Variants in PLCG2 observed in about 807,000 individuals in gnomAD.
The protein encoded by PLCG2 is 1-phosphatidylinositol 4,5-bisphosphate phosphodiesterase gamma-2.
Under a neutral mutation model 175.6 loss-of-function variants are expected in PLCG2, and 69 were observed. The ratio of observed to expected loss-of-function variants is 0.39; its 90% CI spans 0.32 to 0.48. PLCG2 has a LOEUF of 0.48. Ranked by LOEUF, PLCG2 falls within the 20% of genes least tolerant of loss-of-function variation. The pLI, the probability that PLCG2 is intolerant of heterozygous loss-of-function variation, is 0.91. For missense variants in PLCG2, 1,798 were observed against 1,650.9 expected (o/e 1.09, Z -1.54); for synonymous variants, 827 against 624.0 (o/e 1.33, Z -4.85).
At chr16:81,763,726 G>A (rs987514780) in intron 2 of PLCG2, among the ~76,000 whole-genome samples, 2 of 152,188 alleles carry the variant, frequency 1.3e-5, no homozygotes, top group Non-Finnish European at 2.9e-5. Context: ...CAGCACTTTG[G>A]GAGGCTGAGG....
chr16:81,934,969 A>G (rs1259660160), intron 26 of PLCG2, among the ~76,000 whole-genome samples: 2 of 152,118 alleles, frequency 1.3e-5, no homozygotes, highest in South Asian at 2.1e-4. Flanking sequence ...GGTCCCTCCC[A>G]TAACACGTGG....
rs8056821 is a variant in PLCG2 at position 81,902,594 on chromosome 16, C to T, written c.1362+1814C>T. Among the ~76,000 whole-genome samples the T allele has an allele frequency of 8.7e-3, 1,320 of 152,006 alleles. 12 individuals carry two copies. The highest frequency in any genetic ancestry group is 0.025 in the African/African-American group (1,020 of 41,432). ...AGAGCTCTACCCTCATTCCCATTCA[C>T]TGGAGCTCTACTCTCATTCCCACTT... On this transcript the variant is annotated intron_variant, in intron 14 of 32. Coordinates refer to ENST00000564138, the MANE Select transcript of PLCG2 (RefSeq NM_002661.5).
At chr16:81,834,308 C>T (rs1164769818) in intron 2 of PLCG2, among the ~76,000 whole-genome samples, 1 of 152,082 alleles carries the variant, frequency 6.6e-6, no homozygotes, top group Non-Finnish European at 1.5e-5. Context: ...CTGAACTTGA[C>T]CTCGGAGGGC....
intron 14 of PLCG2, among the ~76,000 whole-genome samples, chr16:81,903,311 G>A (rs775955990): frequency 6.6e-6 from 1 of 152,130 alleles, no homozygotes; most frequent in African/African-American, 2.4e-5. Flanking sequence ...TCGTGGTTTG[G>A]TAGGGAGACA....
intron 2 of PLCG2, among the ~76,000 whole-genome samples, chr16:81,787,917 G>T (rs1028597387): frequency 6.6e-6 from 1 of 152,068 alleles, no homozygotes; most frequent in African/African-American, 2.4e-5. Context: ...CCTTTTTGTG[G>T]CAGAATCACG....
intron 24 of PLCG2, among the ~76,000 whole-genome samples, chr16:81,930,747 CA>C (rs34004978): frequency 0.2 from 25,345 of 125,578 alleles, 2,082 homozygotes; most frequent in African/African-American, 0.26. Context: ...CACCCTGTCT[CA>C]AAAAAAAAAA....
intron 2 of PLCG2, among the ~76,000 whole-genome samples, chr16:81,841,567 T>G (rs1905833580): frequency 6.6e-6 from 1 of 152,152 alleles, no homozygotes; most frequent in South Asian, 2.1e-4. Context: ...GCAAAGTTTT[T>G]TTTCAGATAT....
chr16:81,919,395 C>A, intron 19 of PLCG2, 89 bp from the exon 20 acceptor site: 1 of 965,416 alleles, frequency 1.0e-6, no homozygotes, highest in Non-Finnish European at 1.6e-6. Context: ...GGCTGGATAA[C>A]TAGGTTGTAT....
chr16:81,928,379 T>C (rs1458674269), intron 23 of PLCG2, among the ~76,000 whole-genome samples, 179 bp from the exon 24 acceptor site: 1 of 152,096 alleles, frequency 6.6e-6, no homozygotes, highest in Non-Finnish European at 1.5e-5. Flanking sequence ...CCCCGCCAGG[T>C]CCCTATCAGC....
chr16:81,892,847 CTTT>C (rs58257849), intron 11 of PLCG2, among the ~76,000 whole-genome samples: 141 of 133,684 alleles, frequency 1.1e-3, no homozygotes, highest in Admixed American at 1.3e-3. Flanking sequence ...GGAACATAAA[CTTT>C]TTTTTTTTTT....
intron 2 of PLCG2, among the ~76,000 whole-genome samples, chr16:81,774,045 C>G (rs1466039066): frequency 1.3e-5 from 2 of 151,940 alleles, no homozygotes; most frequent in Admixed American, 1.3e-4. Context: ...CAAAGCAAAA[C>G]CATGGGTCGG....
At chr16:81,889,413 GTTTCTTTTCT>G (rs531962864) in intron 10 of PLCG2, 140 bp downstream of exon 10, 4 of 584,240 alleles carry the variant, frequency 6.8e-6, no homozygotes, top group South Asian at 4.4e-5. Context: ...AGCTGGGATT[GTTTCTTTTCT>G]TTTCTTTTCT....
upstream of PLCG2, among the ~76,000 whole-genome samples, chr16:81,775,770 T>G (rs1910385658): frequency 6.6e-6 from 1 of 152,200 alleles, no homozygotes; most frequent in African/African-American, 2.4e-5. Flanking sequence ...ACCTATCCAC[T>G]TCCCTTTTTC....
intron 2 of PLCG2, among the ~76,000 whole-genome samples, chr16:81,805,767 G>GTTTTTTTTTTTTTTTT (rs766609754): frequency 5.1e-5 from 2 of 39,512 alleles, no homozygotes; most frequent in Non-Finnish European, 5.3e-5. Context: ...GTTTTGTTTT[G>GTTTTTTTTTTTTTTTT]TTTTTTTTTT....
chr16:81,880,859 A>G (rs1036145816), intron 7 of PLCG2, 51 bp from the exon 8 acceptor site: 6 of 1,567,824 alleles, frequency 3.8e-6, no homozygotes, highest in Admixed American at 3.4e-5. Flanking sequence ...CCGTTTTTGC[A>G]TTAAGTGACT....
At chr16:81,773,163 G>A (rs1357317140) in intron 2 of PLCG2, among the ~76,000 whole-genome samples, 2 of 152,214 alleles carry the variant, frequency 1.3e-5, no homozygotes, top group Non-Finnish European at 2.9e-5. Flanking sequence ...AGCATGCTGG[G>A]TGTGGGGGGG....
upstream of PLCG2, among the ~76,000 whole-genome samples, chr16:81,776,193 C>A (rs1407433817): frequency 6.6e-6 from 1 of 150,442 alleles, no homozygotes; most frequent in East Asian, 1.9e-4. Context: ...ACTGCAAGCT[C>A]CACCTCCTGG....
At chr16:81,800,078 T>TA (rs1432954600) in intron 2 of PLCG2, among the ~76,000 whole-genome samples, 1 of 152,198 alleles carries the variant, frequency 6.6e-6, no homozygotes, top group Non-Finnish European at 1.5e-5. Flanking sequence ...AATAGGATAA[T>TA]AATGGTACCT....
chr16:81,885,493 T>A (rs1227697158), intron 9 of PLCG2, among the ~76,000 whole-genome samples: 1 of 152,232 alleles, frequency 6.6e-6, no homozygotes, highest in Non-Finnish European at 1.5e-5. Flanking sequence ...CATCCACTTC[T>A]AACTTTACAC....
Sources: gnomAD v4.1 joint callset for allele counts (sites outside exome capture counted in the v4.1 genomes callset) on GRCh38, gnomAD v4.1.1 for gene constraint, MANE v1.5 for transcripts, NCBI Gene and HGNC (gene_info 2026-07-23, HGNC 2026-07-21) for gene names.